TSNARE1: variants seen among roughly 807,000 people sequenced by gnomAD.
The protein encoded by TSNARE1 is t-SNARE domain containing 1.
In TSNARE1, 49 loss-of-function variants were observed where a neutral mutation model predicts 62.0. The observed-to-expected ratio is 0.79, with a 90% confidence interval of 0.63 to 1.00. The LOEUF (loss-of-function observed/expected upper bound fraction) is 1.00, where lower values mean the gene tolerates loss of function less well. Among genes scored for constraint, TSNARE1 ranks in the 50% least tolerant of loss-of-function variants. The pLI, the probability that TSNARE1 is intolerant of heterozygous loss-of-function variation, is 0.00. For missense variants in TSNARE1, 755 were observed against 700.1 expected (o/e 1.08, Z -0.88); for synonymous variants, 328 against 294.4 (o/e 1.11, Z -1.17).
At chr8:142,282,170 C>G (rs1821605486) in intron 11 of TSNARE1, among the ~76,000 whole-genome samples, 1 of 152,208 alleles carries the variant, frequency 6.6e-6, no homozygotes, top group South Asian at 2.1e-4. Flanking sequence ...CTTCAGGACA[C>G]CATGCCCTGG....
At chr8:142,255,530 C>T (rs1302265397) in intron 12 of TSNARE1, among the ~76,000 whole-genome samples, 1 of 46,324 alleles carries the variant, frequency 2.2e-5, no homozygotes, top group African/African-American at 1.1e-4. Context: ...ACCACCACCA[C>T]CACCATCACC....
intron 1 of TSNARE1, among the ~76,000 whole-genome samples, chr8:142,357,574 T>A (rs1036185973): frequency 6.6e-6 from 1 of 151,936 alleles, no homozygotes; most frequent in African/African-American, 2.4e-5. Context: ...GAGCTAGGGA[T>A]TGGCACGGAA....
At chr8:142,306,379 T>C (rs1293103225) in intron 9 of TSNARE1, among the ~76,000 whole-genome samples, 1 of 152,218 alleles carries the variant, frequency 6.6e-6, no homozygotes, top group Non-Finnish European at 1.5e-5. Context: ...AAATGTAGGC[T>C]GAGGTGGCCA....
intron 12 of TSNARE1, among the ~76,000 whole-genome samples, chr8:142,235,259 G>A (rs967717952): frequency 6.6e-6 from 1 of 151,638 alleles, no homozygotes; most frequent in Non-Finnish European, 1.5e-5. Flanking sequence ...AGAGAAGGAC[G>A]TGACTCACCC....
Position 142,394,597 on chromosome 8 carries a change from T to G in TSNARE1, c.-40+8507A>C, listed in dbSNP as rs184793213. Among the ~76,000 whole-genome samples the G allele has an allele frequency of 1.3e-3, 193 of 152,284 alleles. 1 individual carries two copies. Among genetic ancestry groups the G allele is most frequent in the African/African-American group, 4.3e-3 (178 of 41,564 alleles). ...CAGTGTGGGAATGACAGGCCACAGT[T>G]TCTACGGCCAGACCCCACGGGATTC... On this transcript the variant is annotated intron_variant, in intron 1 of 13. Coordinates refer to ENST00000524325, the MANE Select transcript of TSNARE1 (RefSeq NM_145003.5).
At chr8:142,229,415 T>C (rs1400981371) in intron 13 of TSNARE1, 58 bp downstream of exon 13, 1 of 1,355,010 alleles carries the variant, frequency 7.4e-7, no homozygotes, top group South Asian at 1.2e-5. Context: ...GATAGGTGAA[T>C]GAATGGATGG....
intron 10 of TSNARE1, among the ~76,000 whole-genome samples, chr8:142,297,546 G>A (rs1824973124): frequency 6.6e-6 from 1 of 152,204 alleles, no homozygotes; most frequent in African/African-American, 2.4e-5. Flanking sequence ...GTGAATGTGG[G>A]AGGAGAGATG....
intron 1 of TSNARE1, among the ~76,000 whole-genome samples, chr8:142,384,137 C>G (rs775514266): frequency 1.3e-5 from 2 of 152,148 alleles, no homozygotes; most frequent in Non-Finnish European, 2.9e-5. Context: ...GCCTCCTGAA[C>G]AGTCGACAGA....
At chr8:142,277,516 A>C (rs1820702634) in intron 11 of TSNARE1, 1 of 985,440 alleles carries the variant, frequency 1.0e-6, no homozygotes, top group Non-Finnish European at 1.2e-6. Flanking sequence ...GGCTCGGGGC[A>C]ACTGGGCCTG....
At chr8:142,283,074 G>A (rs1277074465) in intron 11 of TSNARE1, among the ~76,000 whole-genome samples, 2 of 148,660 alleles carry the variant, frequency 1.3e-5, no homozygotes, top group African/African-American at 2.6e-5. Context: ...GAGCGGAGGT[G>A]GGGCCAGTGT....
intron 1 of TSNARE1, among the ~76,000 whole-genome samples, chr8:142,392,152 T>A (rs1837575771): frequency 6.6e-6 from 1 of 152,048 alleles, no homozygotes; most frequent in African/African-American, 2.4e-5. Context: ...GCCTCCCGAG[T>A]GGCTGGGATT....
chr8:142,277,298 G>A, intron 11 of TSNARE1: 1 of 985,284 alleles, frequency 1.0e-6, no homozygotes, highest in Non-Finnish European at 1.2e-6. Context: ...GCAGCCTTTG[G>A]GACCGCCCTC....
At chr8:142,249,868 C>T (rs1237170240) in intron 12 of TSNARE1, among the ~76,000 whole-genome samples, 3 of 152,350 alleles carry the variant, frequency 2.0e-5, no homozygotes, top group Admixed American at 6.5e-5. Flanking sequence ...ACAGCCAGAC[C>T]GGCCCATGGT....
chr8:142,271,239 T>A (rs1331382892), intron 12 of TSNARE1: 1 of 1,009,284 alleles, frequency 9.9e-7, no homozygotes, highest in Non-Finnish European at 1.2e-6. Flanking sequence ...GCTTCCCGGG[T>A]AGGGCGTGCT....
chr8:142,359,407 G>A (rs1834991296), intron 1 of TSNARE1, among the ~76,000 whole-genome samples: 1 of 152,178 alleles, frequency 6.6e-6, no homozygotes, highest in Non-Finnish European at 1.5e-5. Context: ...CATCCCAGCA[G>A]GCCAGATCGG....
chr8:142,255,470 C>T (rs1401916265), intron 12 of TSNARE1, among the ~76,000 whole-genome samples: 4 of 62,754 alleles, frequency 6.4e-5, no homozygotes, highest in African/African-American at 1.9e-4. Flanking sequence ...ATCACCATCA[C>T]CACCACCATC....
At chr8:142,300,872 C>T (rs911570129) in intron 9 of TSNARE1, among the ~76,000 whole-genome samples, 1 of 152,114 alleles carries the variant, frequency 6.6e-6, no homozygotes, top group African/African-American at 2.4e-5. Flanking sequence ...AGACGTCAGT[C>T]CCCAGTGTCA....
intron 1 of TSNARE1, among the ~76,000 whole-genome samples, chr8:142,368,844 C>T (rs1398310048): frequency 1.3e-5 from 2 of 152,214 alleles, no homozygotes; most frequent in African/African-American, 4.8e-5. Context: ...CATTTGTGAA[C>T]ACCCACAGTG....
At chr8:142,340,300 T>A (rs1832399724) in intron 4 of TSNARE1, among the ~76,000 whole-genome samples, 1 of 152,082 alleles carries the variant, frequency 6.6e-6, no homozygotes, top group Non-Finnish European at 1.5e-5. Context: ...GGAACCCTAC[T>A]TTATAGAGGA....
Sources: gnomAD v4.1 joint callset for allele counts (sites outside exome capture counted in the v4.1 genomes callset) on GRCh38, gnomAD v4.1.1 for gene constraint, MANE v1.5 for transcripts, NCBI Gene and HGNC (gene_info 2026-07-23, HGNC 2026-07-21) for gene names.